Variants in LHFPL6 observed in about 807,000 individuals in gnomAD.
LHFPL6 encodes LHFPL tetraspan subfamily member 6 protein.
A neutral mutation model predicts 20.6 loss-of-function variants in LHFPL6; 9 were observed. The ratio of observed to expected loss-of-function variants is 0.44; its 90% confidence interval spans 0.26 to 0.76. LHFPL6 has a LOEUF of 0.76. LHFPL6 is among the 30% of genes least tolerant of loss of function. LHFPL6 has a pLI of 0.20. For missense variants in LHFPL6, 218 were observed against 253.5 expected, an observed-to-expected ratio of 0.86 and a Z score of 0.95; for synonymous variants, 105 against 98.7, an observed-to-expected ratio of 1.06 and a Z score of -0.38.
intron 2 of LHFPL6, among the ~76,000 whole-genome samples, chr13:39,512,580 C>T (rs1165170531): frequency 1.5e-5 from 2 of 131,466 alleles, no homozygotes; most frequent in African/African-American, 6.3e-5. Flanking sequence ...CCAGCCTGGG[C>T]AACAGAGCGA....
At chr13:39,476,430 C>G (rs1048278558) in intron 2 of LHFPL6, among the ~76,000 whole-genome samples, 4 of 152,148 alleles carry the variant, frequency 2.6e-5, no homozygotes, top group South Asian at 4.1e-4. Flanking sequence ...TACACAGATA[C>G]TATTTGAATA....
At chr13:39,531,985 T>C (rs1870481272) in intron 2 of LHFPL6, among the ~76,000 whole-genome samples, 1 of 152,186 alleles carries the variant, frequency 6.6e-6, no homozygotes, top group Non-Finnish European at 1.5e-5. Flanking sequence ...TTTTCTGTTA[T>C]TGGTTTATGC....
At chr13:39,572,020 A>C (rs900652721) in intron 2 of LHFPL6, among the ~76,000 whole-genome samples, 2 of 152,196 alleles carry the variant, frequency 1.3e-5, no homozygotes, top group African/African-American at 4.8e-5. Flanking sequence ...ATCCTGCATC[A>C]ATATGTCCAA....
At chr13:39,543,340 A>G (rs1870870874) in intron 2 of LHFPL6, among the ~76,000 whole-genome samples, 1 of 152,158 alleles carries the variant, frequency 6.6e-6, no homozygotes, top group Non-Finnish European at 1.5e-5. Context: ...TTAGTCCAGA[A>G]TCTGTTTTCT....
chr13:39,396,902 C>T (rs1199887950), intron 2 of LHFPL6, among the ~76,000 whole-genome samples: 1 of 151,996 alleles, frequency 6.6e-6, no homozygotes, highest in African/African-American at 2.4e-5. Flanking sequence ...TCAAGGAATG[C>T]CTAGGGGAAC....
intron 2 of LHFPL6, among the ~76,000 whole-genome samples, chr13:39,484,110 T>C (rs573098263): frequency 6.6e-6 from 1 of 152,290 alleles, no homozygotes; most frequent in Admixed American, 6.5e-5. Context: ...TCAATGCCAT[T>C]CACGTGACAA....
intron 2 of LHFPL6, among the ~76,000 whole-genome samples, chr13:39,414,295 T>C (rs926554703): frequency 5.9e-5 from 9 of 152,208 alleles, no homozygotes; most frequent in African/African-American, 2.2e-4. Context: ...AAATGAGAAA[T>C]GCTTAATAAA....
chr13:39,557,033 C>A (rs890188194), intron 2 of LHFPL6, among the ~76,000 whole-genome samples: 20 of 152,044 alleles, frequency 1.3e-4, no homozygotes, highest in Admixed American at 1.3e-3. Context: ...GCCCTGTGGT[C>A]GAGAAGGATT....
intron 2 of LHFPL6, among the ~76,000 whole-genome samples, chr13:39,546,121 C>A (rs553976315): frequency 6.6e-6 from 1 of 152,146 alleles, no homozygotes; most frequent in Admixed American, 6.5e-5. Context: ...TTAGAGAATG[C>A]CTAGCCCATG....
At chr13:39,464,693 GCA>G (rs1251790034) in intron 2 of LHFPL6, among the ~76,000 whole-genome samples, 1 of 133,618 alleles carries the variant, frequency 7.5e-6, no homozygotes, top group Non-Finnish European at 1.5e-5. Context: ...GGGGGAAAAA[GCA>G]CAGTCTTTTT....
At chr13:39,474,516 T>A (rs1245779927) in intron 2 of LHFPL6, among the ~76,000 whole-genome samples, 6 of 152,214 alleles carry the variant, frequency 3.9e-5, no homozygotes, top group African/African-American at 1.4e-4. Context: ...ACAGGATCTC[T>A]TTTTCAAAAG....
At chr13:39,490,154 C>T (rs1035687522) in intron 2 of LHFPL6, among the ~76,000 whole-genome samples, 10 of 152,118 alleles carry the variant, frequency 6.6e-5, no homozygotes, top group Non-Finnish European at 1.3e-4. Context: ...ACTTCTGCTT[C>T]TCTTCTTCCT....
intron 3 of LHFPL6, among the ~76,000 whole-genome samples, chr13:39,355,136 A>G (rs1425694365): frequency 6.6e-6 from 1 of 150,720 alleles, no homozygotes; most frequent in Non-Finnish European, 1.5e-5. Context: ...CTTAAAGGCC[A>G]TTACATAAAA....
chr13:39,411,304 G>A (rs1566105351), intron 2 of LHFPL6, among the ~76,000 whole-genome samples: 1 of 152,220 alleles, frequency 6.6e-6, no homozygotes, highest in East Asian at 1.9e-4. Context: ...AAGAGGTGGG[G>A]GTTTTTGTTA....
At chr13:39,577,074 G>C (rs749874475) in intron 2 of LHFPL6, among the ~76,000 whole-genome samples, 1 of 152,084 alleles carries the variant, frequency 6.6e-6, no homozygotes. Context: ...ATAAACTCAC[G>C]ATCTTCATGG....
Position 39,369,493 on chromosome 13 carries a change from A to G in LHFPL6, c.484+8935T>C, listed in dbSNP as rs1462497442. Among the ~76,000 whole-genome samples the G allele has an allele frequency of 2.6e-5, 4 of 151,154 alleles. No individual in the cohort carries two copies. In the South Asian group the frequency reaches 6.3e-4, roughly 24 times the overall value. On this transcript the variant is annotated intron_variant, in intron 3 of 3. Coordinates refer to ENST00000379589, the MANE Select transcript of LHFPL6 (RefSeq NM_005780.3). ...AAAAAGTGATGCCATGATTCTTGGT[A>G]GGATATCAGTGGCCAAATATATACA... is the stretch of plus-strand genomic sequence containing the variant.
At chr13:39,415,189 G>A (rs77743802) in intron 2 of LHFPL6, among the ~76,000 whole-genome samples, 6,243 of 152,242 alleles carry the variant, frequency 0.041, 421 homozygotes, top group African/African-American at 0.14. Flanking sequence ...CCATGACTGA[G>A]CTGGTGGGAT....
chr13:39,601,700 G>A (rs945287071), intron 1 of LHFPL6, among the ~76,000 whole-genome samples: 1 of 152,134 alleles, frequency 6.6e-6, no homozygotes, highest in African/African-American at 2.4e-5. Flanking sequence ...CACATTAAAA[G>A]TAATGTAGCA....
intron 2 of LHFPL6, among the ~76,000 whole-genome samples, chr13:39,551,542 T>G (rs1871145739): frequency 6.6e-6 from 1 of 152,190 alleles, no homozygotes; most frequent in Non-Finnish European, 1.5e-5. Context: ...TTTCCAACTT[T>G]GTCCTTCTTT....
Sources: allele counts gnomAD v4.1 joint callset (sites outside exome capture counted in the v4.1 genomes callset), GRCh38; gene constraint gnomAD v4.1.1; transcripts MANE v1.5; gene names NCBI Gene and HGNC (gene_info 2026-07-23, HGNC 2026-07-21).